The following CADM2 variants were observed in gnomAD, a reference collection of about 807,000 sequenced individuals.
CADM2 encodes immunoglobulin superfamily member 4D.
Under a neutral mutation model 49.8 loss-of-function variants are expected in CADM2, and 12 were observed. The ratio of observed to expected loss-of-function variants is 0.24; its 90% CI spans 0.15 to 0.39. CADM2 has a LOEUF of 0.39. Among genes scored for constraint, CADM2 ranks in the 10% least tolerant of loss-of-function variants. The probability of loss-of-function intolerance (pLI) is 1.00; values close to 1 mark genes in which losing one functional copy is unlikely to be tolerated. For synonymous variants in CADM2, 214 were observed against 175.4 expected (o/e 1.22, Z -1.74); for missense variants, 378 against 492.3 (o/e 0.77, Z 2.20).
chr3:85,455,893 T>G (rs1432518306), intron 1 of CADM2, among the ~76,000 whole-genome samples: 1 of 152,188 alleles, frequency 6.6e-6, no homozygotes, highest in East Asian at 1.9e-4. Flanking sequence ...TCCAGGGATA[T>G]TCTGCTTCAT....
Position 85,747,856 on chromosome 3 carries a change from A to ATTAC in CADM2, c.88+21308_88+21309insTTAC. 3.3e-5 allele frequency among the ~76,000 whole-genome samples: 5 copies of ATTAC among 152,210 alleles called. No homozygotes were observed. In the Middle Eastern group the frequency reaches 0.014, roughly 414 times the overall value. On this transcript the variant is annotated intron_variant, in intron 2 of 9. Coordinates refer to ENST00000383699, the MANE Select transcript of CADM2 (RefSeq NM_001167675.2). ...AATATTACTCATTTTGACAATGAGG[A>ATTAC]GCAGTTTCTGAATGAATTATGTGCT...
At chr3:85,748,086 G>A (rs2068692865) in intron 2 of CADM2, among the ~76,000 whole-genome samples, 1 of 151,990 alleles carries the variant, frequency 6.6e-6, no homozygotes, top group African/African-American at 2.4e-5. Context: ...GCATGTGTGT[G>A]AAATTGTTTT....
chr3:85,598,332 G>GA (rs74712018), intron 1 of CADM2, among the ~76,000 whole-genome samples: 46,517 of 151,630 alleles, frequency 0.31, 8,115 homozygotes, highest in East Asian at 0.55. Context: ...AAGAAACCCT[G>GA]AAATGTATCT....
intron 2 of CADM2, among the ~76,000 whole-genome samples, chr3:85,770,790 G>T (rs2070044167): frequency 6.6e-6 from 1 of 152,188 alleles, no homozygotes; most frequent in Middle Eastern, 3.4e-3. Context: ...TCTCGTTCAT[G>T]CACCTATTTA....
chr3:85,585,414 A>G (rs1041216828), intron 1 of CADM2, among the ~76,000 whole-genome samples: 1 of 151,938 alleles, frequency 6.6e-6, no homozygotes, highest in East Asian at 1.9e-4. Context: ...ATGTATATAT[A>G]TATCTTGTAT....
At position 86,027,786 on chromosome 3, in the gene CADM2, C is replaced by T. The variant is rs181154650; in HGVS notation, c.971-37819C>T. 9 of 151,824 alleles carry T rather than the reference C, an allele frequency of 5.9e-5. No individual in the cohort carries two copies. The South Asian group carries it at 6.2e-4, about 11-fold the overall frequency. The allele number at this position is 151,824 out of a possible 1,614,324, so 9.4% of individuals were successfully genotyped here. A position where few individuals can be genotyped will look rare whatever the true frequency, so the allele number is the denominator to read the frequency against. On this transcript the variant is annotated intron_variant, in intron 8 of 9. Transcript: ENST00000383699. ...ATTTTAAAAGTATTGCTCTTTATAA[C>T]GATATGAGTAGTTAAATCCAAAAAC...
chr3:84,960,316 A>G (rs992838840), intron 1 of CADM2: 4 of 152,206 alleles, frequency 2.6e-5, no homozygotes, highest in African/African-American at 9.7e-5. Flanking sequence ...AAAAAAAAGA[A>G]AAGAAAAGAA....
At chr3:85,809,059 C>T (rs529803804) in intron 3 of CADM2, among the ~76,000 whole-genome samples, 37 of 152,098 alleles carry the variant, frequency 2.4e-4, no homozygotes, top group Non-Finnish European at 4.3e-4. Flanking sequence ...TACTATTACC[C>T]TTCTTTTGTT....
At chr3:85,430,067 TAG>T (rs2036593066) in intron 1 of CADM2, among the ~76,000 whole-genome samples, 1 of 152,120 alleles carries the variant, frequency 6.6e-6, no homozygotes, top group South Asian at 2.1e-4. Context: ...GTGAATGATG[TAG>T]AGGAGTCAGC....
intron 1 of CADM2, among the ~76,000 whole-genome samples, chr3:85,058,217 A>G (rs1400492038): frequency 6.6e-6 from 1 of 152,178 alleles, no homozygotes; most frequent in Non-Finnish European, 1.5e-5. Context: ...AAAATTTATT[A>G]TAAATTTAGC....
chr3:85,777,502 G>A (rs547849045), intron 2 of CADM2, among the ~76,000 whole-genome samples: 5 of 152,110 alleles, frequency 3.3e-5, no homozygotes, highest in Admixed American at 1.3e-4. Flanking sequence ...TGATCAGCCC[G>A]CCTTGGGCTC....
At chr3:85,132,626 TTATA>T (rs553131352) in intron 1 of CADM2, among the ~76,000 whole-genome samples, 1 of 146,824 alleles carries the variant, frequency 6.8e-6, no homozygotes. Context: ...CAAGGATATA[TTATA>T]TATATATATA....
At chr3:85,448,219 A>G (rs1056939985) in intron 1 of CADM2, among the ~76,000 whole-genome samples, 19 of 151,230 alleles carry the variant, frequency 1.3e-4, no homozygotes, top group Non-Finnish European at 2.5e-4. Context: ...TGTAGTCCCA[A>G]CTACTGGGGA....
At chr3:85,995,074 A>G (rs12638182) in intron 8 of CADM2, among the ~76,000 whole-genome samples, 5,521 of 151,332 alleles carry the variant, frequency 0.036, 212 homozygotes, top group East Asian at 0.1. Context: ...GCACAATAAA[A>G]TGAAATATAG....
At chr3:85,408,687 G>A (rs2035517902) in intron 1 of CADM2, among the ~76,000 whole-genome samples, 1 of 152,120 alleles carries the variant, frequency 6.6e-6, no homozygotes, top group Non-Finnish European at 1.5e-5. Context: ...CTCTGCAGCG[G>A]GGGTTAGGCC....
chr3:86,007,130 C>G (rs1403529593), intron 8 of CADM2, among the ~76,000 whole-genome samples: 1 of 133,262 alleles, frequency 7.5e-6, no homozygotes, highest in African/African-American at 2.8e-5. Context: ...CATTATCTCT[C>G]TACCACAATC....
intron 1 of CADM2, among the ~76,000 whole-genome samples, chr3:85,418,335 A>G (rs2036007425): frequency 1.3e-5 from 2 of 152,244 alleles, no homozygotes; most frequent in African/African-American, 4.8e-5. Flanking sequence ...TATAACAGCT[A>G]TATCACAGTA....
rs397990427 is a variant in CADM2 at position 85,859,224 on chromosome 3, C to CTTTTTTTTTT, written c.239-24050_239-24041dup. Among the ~76,000 whole-genome samples the CTTTTTTTTTT allele has an allele frequency of 8.8e-4, 62 of 70,614 alleles. 1 individual carries two copies. The highest frequency in any genetic ancestry group is 0.013 in the Middle Eastern group (1 of 80). The allele number at this position is 70,614 out of a possible 152,430, so 46.3% of individuals were successfully genotyped here. A position where few individuals can be genotyped will look rare whatever the true frequency, so the allele number is the denominator to read the frequency against. On this transcript the variant is annotated intron_variant, in intron 3 of 9. Transcript: ENST00000383699. ...TACCTTGTGCTTTTCTTTTTTTTGT[C>CTTTTTTTTTT]TTTTTTTTTTTTTTTTTTTTTTTTT...
intron 1 of CADM2, among the ~76,000 whole-genome samples, chr3:85,298,475 C>T (rs942985076): frequency 1.4e-4 from 22 of 152,094 alleles, no homozygotes; most frequent in Admixed American, 1.1e-3. Context: ...CTTAGTGATT[C>T]GTGATTGTAA....
Sources: gnomAD v4.1 joint callset for allele counts (sites outside exome capture counted in the v4.1 genomes callset) on GRCh38, gnomAD v4.1.1 for gene constraint, MANE v1.5 for transcripts, NCBI Gene and HGNC (gene_info 2026-07-23, HGNC 2026-07-21) for gene names.